Variants in MAP2K1 observed in about 807,000 individuals in gnomAD.
MAP2K1 encodes the protein mitogen-activated protein kinase kinase 1.
Under a neutral mutation model 46.3 loss-of-function variants are expected in MAP2K1, and 16 were observed. That is an observed-to-expected ratio of 0.35 (90% CI 0.23 to 0.52). The LOEUF (loss-of-function observed/expected upper bound fraction) is 0.52. MAP2K1 is among the 20% of genes least tolerant of loss of function. The probability of loss-of-function intolerance (pLI) is 0.94; values close to 1 mark genes in which losing one functional copy is unlikely to be tolerated. For missense variants in MAP2K1, 263 were observed against 497.1 expected (o/e 0.53, Z 4.48); for synonymous variants, 183 against 185.6 (o/e 0.99, Z 0.11).
intron 8 of MAP2K1, 199 bp from the exon 9 acceptor site, chr15:66,489,016 T>C: frequency 1.6e-6 from 1 of 626,964 alleles, no homozygotes; most frequent in South Asian, 1.9e-5. Context: ...AGATCAGTGG[T>C]TCCAACATGG....
At chr15:66,484,139 A>C (rs1489790361) in intron 6 of MAP2K1, among the ~76,000 whole-genome samples, 85 of 141,390 alleles carry the variant, frequency 6.0e-4, no homozygotes, top group African/African-American at 1.7e-3. Flanking sequence ...ATCAGCCACC[A>C]CCCCCCCCCA....
At chr15:66,477,712 A>T (rs1028698538) in intron 5 of MAP2K1, among the ~76,000 whole-genome samples, 5 of 152,094 alleles carry the variant, frequency 3.3e-5, no homozygotes, top group Non-Finnish European at 5.9e-5. Context: ...GCCCATGGGG[A>T]GAGTGTGGGC....
intron 2 of MAP2K1, among the ~76,000 whole-genome samples, chr15:66,435,771 G>A (rs1200601607): frequency 6.6e-6 from 1 of 152,178 alleles, no homozygotes; most frequent in African/African-American, 2.4e-5. Flanking sequence ...TGGAAGGAAT[G>A]CCAGGATACC....
chr15:66,406,344 G>A (rs538552581), intron 1 of MAP2K1, among the ~76,000 whole-genome samples: 3 of 152,170 alleles, frequency 2.0e-5, no homozygotes, highest in Admixed American at 6.5e-5. Context: ...AAAGTGAGGA[G>A]TCATGTGCAA....
intron 5 of MAP2K1, among the ~76,000 whole-genome samples, chr15:66,452,693 C>G (rs1208182921): frequency 1.3e-5 from 2 of 152,166 alleles, no homozygotes; most frequent in Non-Finnish European, 2.9e-5. Context: ...CCTGCCTACT[C>G]AGAGGTTGCT....
At position 66,420,715 on chromosome 15, in the gene MAP2K1, A is replaced by ATATATATATATATG. The variant is rs1174431450; in HGVS notation, c.81-14305_81-14304insATATATGTATATAT. Among the ~76,000 whole-genome samples the ATATATATATATATG allele has an allele frequency of 5.6e-3, 189 of 33,962 alleles. 36 individuals carry two copies. Among genetic ancestry groups the ATATATATATATATG allele is most frequent in the Non-Finnish European group, 0.011 (166 of 15,788 alleles). The allele number at this position is 33,962 out of a possible 152,430, so 22.3% of individuals were successfully genotyped here. ...TAATACTTACTCTTGGCATATATAT[A>ATATATATATATATG]TATATATGTGTGTGTGTGTGTGTGT... is the stretch of plus-strand genomic sequence containing the variant. On this transcript the variant is annotated intron_variant, in intron 1 of 10. Coordinates refer to ENST00000307102, the MANE Select transcript of MAP2K1 (RefSeq NM_002755.4).
intron 1 of MAP2K1, among the ~76,000 whole-genome samples, chr15:66,434,773 G>A (rs2093483233): frequency 6.6e-6 from 1 of 152,180 alleles, no homozygotes; most frequent in Admixed American, 6.5e-5. Context: ...CATACTGAGT[G>A]AGAAAGACCT....
intron 1 of MAP2K1, among the ~76,000 whole-genome samples, chr15:66,420,955 A>C: frequency 2.6e-5 from 1 of 38,722 alleles, no homozygotes; most frequent in Non-Finnish European, 9.0e-5. Flanking sequence ...ATACATACAC[A>C]TACATATATA....
intron 1 of MAP2K1, among the ~76,000 whole-genome samples, chr15:66,398,860 G>A (rs1044339919): frequency 6.7e-6 from 1 of 149,944 alleles, no homozygotes; most frequent in African/African-American, 2.5e-5. Flanking sequence ...TGCAACCTCC[G>A]TCTCCCGGGT....
At chr15:66,419,701 C>T (rs1267680945) in intron 1 of MAP2K1, among the ~76,000 whole-genome samples, 1 of 151,854 alleles carries the variant, frequency 6.6e-6, no homozygotes, top group East Asian at 1.9e-4. Flanking sequence ...TCCAGAGGCT[C>T]CTCTGTGTGT....
chr15:66,444,002 C>T (rs563615343), intron 4 of MAP2K1, among the ~76,000 whole-genome samples: 2 of 152,248 alleles, frequency 1.3e-5, no homozygotes, highest in Non-Finnish European at 2.9e-5. Flanking sequence ...CTTTGGGAGG[C>T]GGAGGCGGGC....
At chr15:66,460,060 C>T (rs1388753264) in intron 5 of MAP2K1, among the ~76,000 whole-genome samples, 1 of 152,164 alleles carries the variant, frequency 6.6e-6, no homozygotes, top group African/African-American at 2.4e-5. Flanking sequence ...ATGGTATATA[C>T]ACAAGGTGCT....
chr15:66,452,038 CA>C (rs1750010204), intron 5 of MAP2K1, among the ~76,000 whole-genome samples: 1 of 62,092 alleles, frequency 1.6e-5, no homozygotes, highest in Admixed American at 1.9e-4. Flanking sequence ...ATCGCAAGAA[CA>C]AAAAACCAAA....
intron 5 of MAP2K1, among the ~76,000 whole-genome samples, chr15:66,474,208 G>C (rs1892704674): frequency 6.6e-6 from 1 of 152,070 alleles, no homozygotes; most frequent in East Asian, 1.9e-4. Context: ...TGCAGTTTCT[G>C]GGCTTGGTTG....
At chr15:66,469,291 T>A (rs1480242652) in intron 5 of MAP2K1, among the ~76,000 whole-genome samples, 1 of 152,170 alleles carries the variant, frequency 6.6e-6, no homozygotes, top group Non-Finnish European at 1.5e-5. Context: ...CATTTCTAAG[T>A]GTCTAAACTA....
chr15:66,442,736 A>G lies in MAP2K1; in HGVS notation c.439-544A>G, dbSNP rs533758200. Among the ~76,000 whole-genome samples the G allele has an allele frequency of 3.7e-4, 56 of 152,212 alleles. No homozygotes were observed. The South Asian group carries it at 6.4e-3, about 17-fold the overall frequency. On this transcript the variant is annotated intron_variant, in intron 3 of 10. Coordinates refer to ENST00000307102, the MANE Select transcript of MAP2K1 (RefSeq NM_002755.4). ...CTACCAGATGATCATGTCAGATCCC[A>G]TGGGTTCAGGGCTCAGTCCCCAAGA...
At chr15:66,485,609 C>T (rs995112468) in intron 7 of MAP2K1, among the ~76,000 whole-genome samples, 1 of 151,764 alleles carries the variant, frequency 6.6e-6, no homozygotes, top group African/African-American at 2.4e-5. Flanking sequence ...GGAAGGGGCT[C>T]ACTCTGTCAC....
intron 8 of MAP2K1, among the ~76,000 whole-genome samples, chr15:66,488,097 C>G (rs1484523681): frequency 6.6e-6 from 1 of 150,550 alleles, no homozygotes; most frequent in African/African-American, 2.5e-5. Flanking sequence ...TCCTAGGAGG[C>G]TTGGCTGCAT....
At chr15:66,431,079 G>T (rs2093473872) in intron 1 of MAP2K1, among the ~76,000 whole-genome samples, 1 of 152,188 alleles carries the variant, frequency 6.6e-6, no homozygotes, top group African/African-American at 2.4e-5. Context: ...TGGAGAGAGG[G>T]CTGTGTGTGT....
Sources: allele counts gnomAD v4.1 joint callset (sites outside exome capture counted in the v4.1 genomes callset), GRCh38; gene constraint gnomAD v4.1.1; transcripts MANE v1.5; gene names NCBI Gene and HGNC (gene_info 2026-07-23, HGNC 2026-07-21).